The following ANXA3 variants were observed in gnomAD, a reference collection of about 807,000 sequenced individuals.
ANXA3 encodes annexin A3, also known as 35-alpha calcimedin.
ANXA3 carries 46 observed loss-of-function variants against 48.8 expected under a neutral mutation model. That is an observed-to-expected ratio of 0.94 (90% CI 0.74 to 1.21). The LOEUF is 1.21. Ranked by LOEUF, ANXA3 falls within the 50% of genes most tolerant of loss-of-function variation. The probability of loss-of-function intolerance (pLI) is 0.00; values close to 1 mark genes in which losing one functional copy is unlikely to be tolerated. For missense variants in ANXA3, 383 were observed against 378.6 expected (o/e 1.01, Z -0.10); for synonymous variants, 128 against 134.7 (o/e 0.95, Z 0.35).
rs374243315 is a variant in ANXA3 at position 78,573,197 on chromosome 4, A to G, written c.33A>G (p.Thr11=). 1.1e-5 allele frequency: 18 copies of G among 1,613,238 alleles called. No individual in the cohort carries two copies. The African/African-American group carries it at 2.4e-4, about 22-fold the overall frequency. The part of the protein sequence containing the change: MASIWVGHRG[T]VRDYPDFSPS... The stretch of plus-strand genomic sequence containing the variant: ...CCTTCTAGGTTGGACACCGAGGAAC[A>G]GTAAGAGATTATCCAGACTTTAGCC... The change falls in exon 3 of 13, where the codon ACA becomes ACG. Residue 11 remains threonine (T), a synonymous_variant. Coordinates refer to ENST00000264908, the MANE Select transcript of ANXA3 (RefSeq NM_005139.3).
intron 10 of ANXA3, among the ~76,000 whole-genome samples, chr4:78,599,300 C>T (rs763555832): frequency 3.9e-5 from 6 of 152,156 alleles, no homozygotes; most frequent in Non-Finnish European, 7.4e-5. Context: ...CTCCCCACCC[C>T]CTGGCTCCTA....
At chr4:78,609,559 C>T (rs1395786824) in intron 12 of ANXA3, among the ~76,000 whole-genome samples, 3 of 152,142 alleles carry the variant, frequency 2.0e-5, no homozygotes, top group Non-Finnish European at 4.4e-5. Context: ...GGATTCAAAT[C>T]CTGCTTTTGT....
intron 2 of ANXA3, among the ~76,000 whole-genome samples, chr4:78,556,663 T>C (rs1049671595): frequency 2.0e-5 from 3 of 152,200 alleles, no homozygotes; most frequent in Admixed American, 6.5e-5. Flanking sequence ...CCCTTCTCAC[T>C]GGCTAGGAGG....
chr4:78,598,202 C>A (rs2109947213), intron 10 of ANXA3, among the ~76,000 whole-genome samples: 1 of 152,074 alleles, frequency 6.6e-6, no homozygotes, highest in East Asian at 1.9e-4. Flanking sequence ...CACACACACA[C>A]ACACATGCAA....
chr4:78,565,920 G>C (rs2109928537), intron 2 of ANXA3, among the ~76,000 whole-genome samples: 1 of 152,330 alleles, frequency 6.6e-6, no homozygotes, highest in East Asian at 1.9e-4. Context: ...CCAGTGCTCA[G>C]AACTGAAGTC....
chr4:78,572,108 A>T (rs993866798), intron 2 of ANXA3, among the ~76,000 whole-genome samples: 2 of 152,244 alleles, frequency 1.3e-5, no homozygotes, highest in African/African-American at 2.4e-5. Context: ...CACTTGAAAA[A>T]TAAGAAGATT....
intron 7 of ANXA3, among the ~76,000 whole-genome samples, chr4:78,593,048 C>T (rs1476544037): frequency 2.0e-5 from 3 of 150,978 alleles, no homozygotes; most frequent in Non-Finnish European, 4.4e-5. Flanking sequence ...CAGGCAATCC[C>T]GTGTTTTGGT....
chr4:78,573,483 T>A (rs1722885535), intron 3 of ANXA3, among the ~76,000 whole-genome samples: 5 of 152,362 alleles, frequency 3.3e-5, no homozygotes, highest in South Asian at 4.1e-4. Flanking sequence ...CCACTGATAC[T>A]AGTGGTCTAG....
chr4:78,598,775 A>G (rs1723478938), intron 10 of ANXA3, among the ~76,000 whole-genome samples: 1 of 152,008 alleles, frequency 6.6e-6, no homozygotes, highest in South Asian at 2.1e-4. Flanking sequence ...CCTGACCTCA[A>G]GTGATCCGCC....
Position 78,604,354 on chromosome 4 carries a change from A to G in ANXA3, c.867A>G (p.Thr289=). ...AAATTGACCTTTTGGACATTCGAAC[A>G]GAGTTCAAGAAGCATTATGGCTATT... is the stretch of plus-strand genomic sequence containing the variant. The part of the protein sequence containing the change: ...RSEIDLLDIR[T]EFKKHYGYSL... The change falls in exon 12 of 13, where the codon ACA becomes ACG. Residue 289 remains threonine, a synonymous_variant. Coordinates refer to ENST00000264908, the MANE Select transcript of ANXA3 (RefSeq NM_005139.3). The G allele has an allele frequency of 6.2e-7, 1 of 1,613,472 alleles. No homozygotes were observed. Among genetic ancestry groups the G allele is most frequent in the Non-Finnish European group, 8.5e-7 (1 of 1,179,608 alleles).
intron 1 of ANXA3, chr4:78,552,472 A>G (rs1327698180): frequency 1.3e-5 from 2 of 152,200 alleles, no homozygotes; most frequent in Non-Finnish European, 2.9e-5. Flanking sequence ...TCCTGAAAAG[A>G]CTAACCGTTT....
intron 2 of ANXA3, among the ~76,000 whole-genome samples, chr4:78,557,039 G>T (rs935926456): frequency 1.3e-5 from 2 of 152,220 alleles, no homozygotes; most frequent in African/African-American, 4.8e-5. Flanking sequence ...TGAAGGTGTT[G>T]TTGGGACTGC....
Position 78,564,160 on chromosome 4 carries a change from A to C in ANXA3, c.16-9020A>C, listed in dbSNP as rs1722682369. ...AGTCTCTGGGGAGGCCAAGTGTTTCAAACTCAATCCAGATAGTTGGGTTTG... is the reference window on the plus strand; with the variant it reads ...AGTCTCTGGGGAGGCCAAGTGTTTCCAACTCAATCCAGATAGTTGGGTTTG... On this transcript the variant is annotated intron_variant, in intron 2 of 12. Coordinates refer to ENST00000264908, the MANE Select transcript of ANXA3 (RefSeq NM_005139.3). Among the ~76,000 whole-genome samples the C allele has an allele frequency of 2.0e-5, 3 of 152,236 alleles. No homozygotes were observed. The South Asian group carries it at 6.2e-4, about 32-fold the overall frequency.
At chr4:78,555,643 AGCATGGGTAATATG>A (rs1722495283) in intron 2 of ANXA3, among the ~76,000 whole-genome samples, 1 of 151,968 alleles carries the variant, frequency 6.6e-6, no homozygotes, top group African/African-American at 2.4e-5. Context: ...GTTCGAGACC[AGCATGGGTAATATG>A]GCAAGACCCA....
rs75198943 is a variant in ANXA3, at chr4:78,561,639, T to A, written c.15+7151T>A. Among the ~76,000 whole-genome samples the A allele has an allele frequency of 3.0e-4, 45 of 152,260 alleles. No homozygotes were observed. In the East Asian group the frequency reaches 8.5e-3, roughly 29 times the overall value. ...GCATGTGAATATGCTGAACTCCTCC[T>A]CTGGTCTCCCTCACATCTACCACAT... On this transcript the variant is annotated intron_variant, in intron 2 of 12. Transcript: ENST00000264908.
chr4:78,564,502 G>A (rs1722690393), intron 2 of ANXA3, among the ~76,000 whole-genome samples: 1 of 152,136 alleles, frequency 6.6e-6, no homozygotes, highest in Non-Finnish European at 1.5e-5. Flanking sequence ...CCCTATCTGG[G>A]GACTGAGCAC....
At chr4:78,557,385 G>A (rs554276076) in intron 2 of ANXA3, among the ~76,000 whole-genome samples, 1 of 152,208 alleles carries the variant, frequency 6.6e-6, no homozygotes, top group Non-Finnish European at 1.5e-5. Context: ...GGATAACACG[G>A]GCTAATCCCT....
At position 78,553,790 on chromosome 4, in the gene ANXA3, C is replaced by T. The variant is rs565746310; in HGVS notation, c.-38-646C>T. Reference sequence around the variant, plus strand: ...TTGTTCCCAGGAAGGGTGGGAGCAACTTGCATTTCTAAATCAACCCTGGAG... The same window carrying T: ...TTGTTCCCAGGAAGGGTGGGAGCAATTTGCATTTCTAAATCAACCCTGGAG... On this transcript the variant is annotated intron_variant, in intron 1 of 12. Transcript: ENST00000264908. 6 of 152,298 alleles carry T rather than the reference C, an allele frequency of 3.9e-5. No individual in the cohort carries two copies. In the South Asian group the frequency reaches 1.0e-3, roughly 26 times the overall value. 9.4% of individuals were successfully genotyped at this position (152,298 alleles called of 1,614,324 possible).
At position 78,583,805 on chromosome 4, in the gene ANXA3, G is replaced by A. The variant is rs559244236; in HGVS notation, c.312+1515G>A. Among the ~76,000 whole-genome samples the A allele has an allele frequency of 6.6e-5, 10 of 152,266 alleles. No individual in the cohort carries two copies. The South Asian group carries it at 1.7e-3, about 25-fold the overall frequency. ...GAAGCCTTGCCTCTGGTCTTAAGGC[G>A]TTTCAACTGATTGGATCAGGTCTGC... is the stretch of plus-strand genomic sequence containing the variant. On this transcript the variant is annotated intron_variant, in intron 5 of 12. Coordinates refer to ENST00000264908, the MANE Select transcript of ANXA3 (RefSeq NM_005139.3).
Sources: allele counts gnomAD v4.1 joint callset (sites outside exome capture counted in the v4.1 genomes callset), GRCh38; gene constraint gnomAD v4.1.1; transcripts MANE v1.5; gene names NCBI Gene and HGNC (gene_info 2026-07-23, HGNC 2026-07-21).